The following PRDM2 variants were observed in gnomAD, a reference collection of about 807,000 sequenced individuals.
PRDM2 encodes PR/SET domain 2, also known as PR domain zinc finger protein 2.
PRDM2 carries 30 observed loss-of-function variants against 130.0 expected under a neutral mutation model. That is an observed-to-expected ratio of 0.23 (90% confidence interval 0.17 to 0.31). The LOEUF is 0.31. PRDM2 is among the 10% of genes least tolerant of loss of function. The pLI, the probability that PRDM2 is intolerant of heterozygous loss-of-function variation, is 1.00. For synonymous variants in PRDM2, 871 were observed against 782.4 expected, an observed-to-expected ratio of 1.11 and a Z score of -1.89; for missense variants, 2,011 against 2,108.4, an observed-to-expected ratio of 0.95 and a Z score of 0.90.
chr1:13,778,471 A>C lies in PRDM2; in HGVS notation c.676A>C (p.Thr226Pro), dbSNP rs1417650421. 6.2e-7 allele frequency: 1 copy of C among 1,613,718 alleles called. No individual in the cohort carries two copies. Among genetic ancestry groups the C allele is most frequent in the African/African-American group, 1.3e-5 (1 of 74,860 alleles). Residue 226 changes from threonine (T) to proline (P), a missense_variant, in exon 8 of 10, where the codon ACC becomes CCC. By Grantham distance (38) the Thr-to-Pro change is conservative. Coordinates refer to ENST00000311066, the MANE Select transcript of PRDM2 (RefSeq NM_001393986.1). ...PSASALEQPA[T>P]LQEVASQEVP... is the part of the protein sequence containing the mutation. The stretch of plus-strand genomic sequence containing the variant: ...AGCCTCAGCACTTGAGCAGCCGGCC[A>C]CCCTCCAGGAGGTGGCCAGTCAGGA...
Position 13,799,421 on chromosome 1 carries a change from G to A in PRDM2, c.5036+16590G>A, listed in dbSNP as rs538185935. Among the ~76,000 whole-genome samples, 9 of 151,032 alleles carry A rather than the reference G, an allele frequency of 6.0e-5. No individual in the cohort carries two copies. In the South Asian group the frequency reaches 1.9e-3, roughly 32 times the overall value. On this transcript the variant is annotated intron_variant, in intron 8 of 9. Transcript: ENST00000311066. ...GATCGCGCCATTGCACTCCAGCCTGGGCAACAAGAGCGAAACTCCATCTCA... is the reference window on the plus strand; with the variant it reads ...GATCGCGCCATTGCACTCCAGCCTGAGCAACAAGAGCGAAACTCCATCTCA...
At chr1:13,758,446 CAAAA>C (rs373553025) in intron 6 of PRDM2, among the ~76,000 whole-genome samples, 3 of 73,844 alleles carry the variant, frequency 4.1e-5, no homozygotes, top group South Asian at 8.7e-4. Flanking sequence ...GACTTTGTCT[CAAAA>C]AAAAAAAAAA....
intron 6 of PRDM2, among the ~76,000 whole-genome samples, chr1:13,770,513 A>G (rs1039002180): frequency 4.6e-5 from 7 of 152,184 alleles, no homozygotes; most frequent in African/African-American, 1.7e-4. Context: ...GGTTGTAGAA[A>G]AATCTTTGCA....
intron 8 of PRDM2, among the ~76,000 whole-genome samples, chr1:13,793,419 G>A (rs184562737): frequency 6.6e-6 from 1 of 152,364 alleles, no homozygotes; most frequent in East Asian, 1.9e-4. Flanking sequence ...CTTAGTAGCC[G>A]GCCCCGGGTG....
At chr1:13,709,644 G>T (rs1480066644) in intron 1 of PRDM2, among the ~76,000 whole-genome samples, 1 of 151,980 alleles carries the variant, frequency 6.6e-6, no homozygotes, top group African/African-American at 2.4e-5. Flanking sequence ...TTTTGTGTTG[G>T]CCATGAACTT....
At chr1:13,706,840 T>G (rs889159452) in intron 1 of PRDM2, among the ~76,000 whole-genome samples, 2 of 152,166 alleles carry the variant, frequency 1.3e-5, no homozygotes, top group Non-Finnish European at 2.9e-5. Flanking sequence ...AACTGTAGAA[T>G]AGTGTACACA....
At chr1:13,724,454 C>A (rs1642839722) in intron 2 of PRDM2, among the ~76,000 whole-genome samples, 1 of 151,372 alleles carries the variant, frequency 6.6e-6, no homozygotes, top group African/African-American at 2.4e-5. Flanking sequence ...ACTCTTTTCA[C>A]ATGTACATTG....
intron 8 of PRDM2, among the ~76,000 whole-genome samples, chr1:13,800,403 C>T (rs1438289057): frequency 6.6e-6 from 1 of 152,194 alleles, no homozygotes; most frequent in East Asian, 1.9e-4. Flanking sequence ...AAGAAGAAGA[C>T]AGCTGGGAAG....
chr1:13,727,241 A>G (rs1015876130), intron 2 of PRDM2, among the ~76,000 whole-genome samples: 1 of 151,700 alleles, frequency 6.6e-6, no homozygotes, highest in Middle Eastern at 3.5e-3. Context: ...CTGAACAGGC[A>G]TCTCCATCCC....
chr1:13,761,517 G>A (rs796821451), intron 6 of PRDM2, among the ~76,000 whole-genome samples: 38 of 152,174 alleles, frequency 2.5e-4, no homozygotes, highest in African/African-American at 9.2e-4. Flanking sequence ...TTCAGCAGTC[G>A]CACAGGTACA....
intron 8 of PRDM2, among the ~76,000 whole-genome samples, chr1:13,790,946 T>C (rs1291994667): frequency 6.6e-6 from 1 of 152,166 alleles, no homozygotes; most frequent in Non-Finnish European, 1.5e-5. Flanking sequence ...GGTACTCTGC[T>C]GAGCATCTAC....
At chr1:13,785,834 CTT>C (rs537560305) in intron 8 of PRDM2, among the ~76,000 whole-genome samples, 33 of 115,024 alleles carry the variant, frequency 2.9e-4, no homozygotes, top group Admixed American at 4.4e-4. Context: ...TTTTTGGGTT[CTT>C]TTTTTTTTTT....
At chr1:13,730,520 T>A (rs906763705) in intron 2 of PRDM2, among the ~76,000 whole-genome samples, 8 of 152,232 alleles carry the variant, frequency 5.3e-5, no homozygotes, top group Non-Finnish European at 1.0e-4. Context: ...AGTTAGGGGT[T>A]GTTGCTGGAG....
At chr1:13,746,516 TCTA>T (rs137885762) in intron 5 of PRDM2, among the ~76,000 whole-genome samples, 2,043 of 151,166 alleles carry the variant, frequency 0.014, 60 homozygotes, top group African/African-American at 0.047. Flanking sequence ...TGTTTTGTTT[TCTA>T]CTACTTGTTT....
intron 6 of PRDM2, among the ~76,000 whole-genome samples, chr1:13,758,912 CTGTG>C (rs577434119): frequency 1.3e-5 from 2 of 152,014 alleles, no homozygotes; most frequent in African/African-American, 4.8e-5. Context: ...GATAATGATA[CTGTG>C]TGTGTGGTAT....
intron 8 of PRDM2, among the ~76,000 whole-genome samples, chr1:13,799,524 C>CT (rs1201648311): frequency 1.3e-5 from 2 of 151,570 alleles, no homozygotes; most frequent in African/African-American, 2.4e-5. Flanking sequence ...TCCTTCTGAA[C>CT]TTTTTTGCTG....
chr1:13,778,682 A>T lies in PRDM2; in HGVS notation c.887A>T (p.Glu296Val), dbSNP rs765060488. The part of the protein sequence containing the change: ...DDELEDEGEE[E>V]ASMPNENSVK... ...GAGTTGGAAGACGAGGGGGAAGAAGAAGCCAGCATGCCAAATGAAAATTCT... is the reference window on the plus strand; with the variant it reads ...GAGTTGGAAGACGAGGGGGAAGAAGTAGCCAGCATGCCAAATGAAAATTCT... Residue 296 changes from glutamate to valine, a missense_variant, in exon 8 of 10, where the codon GAA becomes GTA. Physicochemically the swap from Glu to Val is moderately radical, Grantham distance 121. This residue lies in a region of PRDM2 where 1,288 missense variants were observed against 1,237.7 expected (regional missense o/e 1.04). Transcript: ENST00000311066. 1 of 1,614,100 alleles carries T rather than the reference A, an allele frequency of 6.2e-7. No individual in the cohort carries two copies. Among genetic ancestry groups the T allele is most frequent in the Admixed American group, 1.7e-5 (1 of 60,006 alleles).
intron 8 of PRDM2, among the ~76,000 whole-genome samples, chr1:13,794,018 CAG>C (rs1040625138): frequency 2.6e-5 from 4 of 152,270 alleles, no homozygotes; most frequent in East Asian, 1.9e-4. Context: ...CAAGTTGAGA[CAG>C]AGCTTCAGTT....
intron 6 of PRDM2, among the ~76,000 whole-genome samples, chr1:13,768,287 A>G (rs983204873): frequency 9.2e-5 from 14 of 151,552 alleles, no homozygotes; most frequent in South Asian, 6.3e-4. Flanking sequence ...GTTTCACCGC[A>G]CTAGCCAGGA....
Sources: gnomAD v4.1 joint callset for allele counts (sites outside exome capture counted in the v4.1 genomes callset) on GRCh38, gnomAD v4.1.1 for gene constraint, gnomAD v4.1.1 regional missense constraint, MANE v1.5 for transcripts, NCBI Gene and HGNC (gene_info 2026-07-23, HGNC 2026-07-21) for gene names.